The following DMD variants were observed in gnomAD, a reference collection of about 807,000 sequenced individuals.
The protein encoded by DMD is dystrophin, also known as mutant dystrophin.
A neutral mutation model predicts 330.1 loss-of-function variants in DMD; 63 were observed. The observed-to-expected ratio is 0.19, with a 90% CI of 0.16 to 0.24. The LOEUF (loss-of-function observed/expected upper bound fraction) is 0.24. Ranked by LOEUF, DMD falls within the 10% of genes least tolerant of loss-of-function variation. DMD has a pLI of 1.00. For synonymous variants in DMD, 1,223 were observed against 959.8 expected (o/e 1.27, Z -5.07); for missense variants, 3,344 against 2,684.1 (o/e 1.25, Z -5.43).
At chrX:31,687,558 G>A (rs1025291463) in intron 52 of DMD, among the ~76,000 whole-genome samples, 5 of 111,790 alleles carry the variant, frequency 4.5e-5, no homozygotes, top group Admixed American at 3.8e-4. Flanking sequence ...AGGGCCACAG[G>A]GAGAGGATCC....
chrX:31,878,045 A>T (rs891602407), intron 47 of DMD, among the ~76,000 whole-genome samples: 1 of 111,921 alleles, frequency 8.9e-6, no homozygotes, highest in African/African-American at 3.2e-5. Flanking sequence ...AAATCTGTAT[A>T]ACATTTAACT....
chrX:33,173,791 C>G (rs191137960), intron 1 of DMD, among the ~76,000 whole-genome samples: 6 of 110,237 alleles, frequency 5.4e-5, no homozygotes, highest in African/African-American at 2.0e-4. Flanking sequence ...GTTATTATGT[C>G]ATATAATACC....
intron 60 of DMD, among the ~76,000 whole-genome samples, chrX:31,431,928 C>A (rs1276634177): frequency 9.1e-6 from 1 of 109,998 alleles, no homozygotes; most frequent in Non-Finnish European, 1.9e-5. Flanking sequence ...GATTCTCCTG[C>A]CTCAGCCTCC....
chrX:33,139,827 C>G (rs2179816), intron 1 of DMD, among the ~76,000 whole-genome samples: 1 of 93,876 alleles, frequency 1.1e-5, no homozygotes, highest in Non-Finnish European at 2.0e-5. Flanking sequence ...TTGCGTATTT[C>G]TTTATGGCAG....
intron 45 of DMD, among the ~76,000 whole-genome samples, chrX:31,959,533 C>T (rs16998244): frequency 0.048 from 5,382 of 111,049 alleles, 170 homozygotes; most frequent in African/African-American, 0.1. Context: ...GTATGGGGTC[C>T]GAGACTTTTC....
chrX:33,156,876 C>T (rs919186436), intron 1 of DMD, among the ~76,000 whole-genome samples: 1 of 111,395 alleles, frequency 9.0e-6, no homozygotes, highest in Admixed American at 9.6e-5. Flanking sequence ...TTGGCCTGAC[C>T]CACAATTCAA....
chrX:31,916,179 C>T (rs774437119), intron 47 of DMD, among the ~76,000 whole-genome samples: 71 of 111,724 alleles, frequency 6.4e-4, no homozygotes, highest in African/African-American at 2.2e-3. Flanking sequence ...TAAGCCAGCC[C>T]CTAGCCCACC....
chrX:31,492,017 A>T (rs970605748), intron 57 of DMD, among the ~76,000 whole-genome samples: 2 of 112,241 alleles, frequency 1.8e-5, no homozygotes. Context: ...AAGGATATTA[A>T]TAATTTAGAA....
At chrX:32,607,031 TGAGTA>T (rs1423310462) in intron 12 of DMD, among the ~76,000 whole-genome samples, 19 of 109,448 alleles carry the variant, frequency 1.7e-4, no homozygotes, top group African/African-American at 6.2e-4. Context: ...AATTACCTAT[TGAGTA>T]TAGTGTTCGC....
At chrX:32,608,961 C>T (rs1012683338) in intron 12 of DMD, among the ~76,000 whole-genome samples, 1 of 110,763 alleles carries the variant, frequency 9.0e-6, no homozygotes, top group Non-Finnish European at 1.9e-5. Context: ...CTAAAAGCAC[C>T]ACTTGATCCT....
At chrX:31,214,666 G>T (rs2045139118) in intron 64 of DMD, among the ~76,000 whole-genome samples, 1 of 111,193 alleles carries the variant, frequency 9.0e-6, no homozygotes. Context: ...CCAGCAAGGG[G>T]AGAGAGTATC....
chrX:31,716,760 C>T (rs1242717254), intron 52 of DMD, among the ~76,000 whole-genome samples: 4 of 65,293 alleles, frequency 6.1e-5, no homozygotes, highest in African/African-American at 2.1e-4. Context: ...ATATATCAGT[C>T]GTATATATAA....
chrX:32,412,002 G>T, intron 29 of DMD, 89 bp from the exon 30 acceptor site: 1 of 1,190,876 alleles, frequency 8.4e-7, no homozygotes, highest in South Asian at 1.8e-5. Flanking sequence ...GAAGATTCTA[G>T]ACTCTTCCAC....
intron 42 of DMD, among the ~76,000 whole-genome samples, chrX:32,293,744 G>C (rs895178192): frequency 9.0e-6 from 1 of 111,477 alleles, no homozygotes; most frequent in Non-Finnish European, 1.9e-5. Context: ...CACTGCCTGG[G>C]TGATGGGGTC....
chrX:31,836,904 A>T (rs779312859), intron 48 of DMD, 85 bp from the exon 49 acceptor site: 449 of 810,542 alleles, frequency 5.5e-4, no homozygotes, highest in Non-Finnish European at 6.8e-4. Flanking sequence ...TGGAGACTCC[A>T]CATGTATTGC....
At chrX:32,143,198 A>T (rs2096761798) in intron 44 of DMD, among the ~76,000 whole-genome samples, 1 of 111,622 alleles carries the variant, frequency 9.0e-6, no homozygotes, top group Non-Finnish European at 1.9e-5. Context: ...GAATGGAATT[A>T]AATGCCATTG....
chrX:31,510,517 T>C (rs190851377), intron 55 of DMD, among the ~76,000 whole-genome samples: 1,746 of 100,927 alleles, frequency 0.017, 55 homozygotes, highest in African/African-American at 0.057. Flanking sequence ...TTTTTTTTTT[T>C]TTTTTTTTGA....
At chrX:33,221,599 G>T (rs1330497438) in intron 1 of DMD, among the ~76,000 whole-genome samples, 1 of 109,660 alleles carries the variant, frequency 9.1e-6, no homozygotes, top group Admixed American at 9.7e-5. Flanking sequence ...TTTTCAAAAC[G>T]GTCAATAAAA....
At chrX:32,893,654 T>C (rs888992995) in intron 2 of DMD, among the ~76,000 whole-genome samples, 4 of 111,583 alleles carry the variant, frequency 3.6e-5, no homozygotes, top group Non-Finnish European at 7.5e-5. Flanking sequence ...TTAAATATTG[T>C]AGTGGAGCTG....
Sources: allele counts gnomAD v4.1 joint callset (sites outside exome capture counted in the v4.1 genomes callset), GRCh38; gene constraint gnomAD v4.1.1; transcripts MANE v1.5; gene names NCBI Gene and HGNC (gene_info 2026-07-23, HGNC 2026-07-21).